The following PCDHGA7 variants were observed in gnomAD, a reference collection of about 807,000 sequenced individuals.
The protein encoded by PCDHGA7 is protocadherin gamma-A7.
A neutral mutation model predicts 58.3 loss-of-function variants in PCDHGA7; 44 were observed. That is an observed-to-expected ratio of 0.75 (90% confidence interval 0.59 to 0.97). PCDHGA7 has a LOEUF of 0.97. PCDHGA7 is among the 50% of genes least tolerant of loss of function. The pLI is 0.00. For synonymous variants in PCDHGA7, 516 were observed against 504.2 expected (o/e 1.02, Z -0.31); for missense variants, 1,266 against 1,188.7 (o/e 1.06, Z -0.96).
intron 1 of PCDHGA7, chr5:141,396,409 A>C (rs2093377043): frequency 6.6e-6 from 1 of 152,270 alleles, no homozygotes; most frequent in Non-Finnish European, 1.5e-5. Context: ...ACCTGAGGTC[A>C]GGAGTTCAAG....
intron 1 of PCDHGA7, chr5:141,417,066 T>C (rs1373522268): frequency 6.6e-6 from 1 of 152,110 alleles, no homozygotes; most frequent in Non-Finnish European, 1.5e-5. Context: ...ACATTGTAGC[T>C]ATTGTGAGAA....
At position 141,431,633 on chromosome 5, in the gene PCDHGA7, T is replaced by G; in HGVS notation, c.2424+46310T>G. On this transcript the variant is annotated intron_variant, in intron 1 of 3. Coordinates refer to ENST00000518325, the MANE Select transcript of PCDHGA7 (RefSeq NM_018920.4). This position sits in a 1 kb window ranked among gnomAD's most constrained non-coding sequence, Gnocchi z 4.8. Reference sequence around the variant, plus strand: ...TGTGGACGACAAGGCGGCCCAAGTTTTCAAACTAGATTGTAATTCAGGGAC... The same window carrying G: ...TGTGGACGACAAGGCGGCCCAAGTTGTCAAACTAGATTGTAATTCAGGGAC... 6.2e-7 allele frequency: 1 copy of G among 1,614,240 alleles called. No individual in the cohort carries two copies. Among genetic ancestry groups the G allele is most frequent in the Non-Finnish European group, 8.5e-7 (1 of 1,180,048 alleles).
intron 2 of PCDHGA7, among the ~76,000 whole-genome samples, chr5:141,495,690 G>A (rs1261694815): frequency 1.3e-5 from 2 of 152,172 alleles, no homozygotes; most frequent in East Asian, 3.9e-4. Context: ...TGGCATAAGT[G>A]CTCAATAAAT....
intron 1 of PCDHGA7, chr5:141,414,590 G>C (rs1287207695): frequency 1.2e-6 from 2 of 1,613,936 alleles, no homozygotes; most frequent in South Asian, 1.1e-5. Flanking sequence ...AACGCCAGGG[G>C]TGCCTCCATC....
In PCDHGA7 at chr5:141,383,304, G is replaced by A. The variant is rs1779007855; in HGVS notation, c.405G>A (p.Thr135=). ...ATGACAACGTTCCAAGATTCTTGAC[G>A]GAAGAAATAAATGTAAAAATAATGG... ...DINDNVPRFL[T]EEINVKIMEN... is the part of the protein sequence containing the mutation. The change falls in exon 1 of 4, where the codon ACG becomes ACA. Residue 135 remains threonine (T), a synonymous_variant. Coordinates refer to ENST00000518325, the MANE Select transcript of PCDHGA7 (RefSeq NM_018920.4). 1 of 1,613,918 alleles carries A rather than the reference G, an allele frequency of 6.2e-7. No individual in the cohort carries two copies. The highest frequency in any genetic ancestry group is 8.5e-7 in the Non-Finnish European group (1 of 1,179,892).
At chr5:141,390,423 C>A in intron 1 of PCDHGA7, 1 of 1,058,544 alleles carries the variant, frequency 9.4e-7, no homozygotes, top group Non-Finnish European at 1.3e-6. Context: ...AGTTAAAAAG[C>A]TGTCATATCA....
chr5:141,398,826 C>G (rs755219133), intron 1 of PCDHGA7: 1 of 1,613,824 alleles, frequency 6.2e-7, no homozygotes, highest in South Asian at 1.1e-5. Flanking sequence ...TCCAGGTAAC[C>G]GACGCCAATG....
chr5:141,425,242 G>A (rs2096863400), intron 1 of PCDHGA7, among the ~76,000 whole-genome samples: 1 of 152,128 alleles, frequency 6.6e-6, no homozygotes, highest in South Asian at 2.1e-4. Context: ...TAAATAAAAA[G>A]GATATGAGGT....
chr5:141,417,699 C>G, intron 1 of PCDHGA7: 1 of 1,164,548 alleles, frequency 8.6e-7, no homozygotes. Context: ...AACCAGCTCC[C>G]ACACAGAGGC....
At chr5:141,398,928 T>C in intron 1 of PCDHGA7, 4 of 1,613,962 alleles carry the variant, frequency 2.5e-6, no homozygotes, top group Non-Finnish European at 3.4e-6. Flanking sequence ...TGTCAGCCAC[T>C]GACCAAGACG....
rs1230717990 is a variant in PCDHGA7, at chr5:141,431,707, G to A, written c.2424+46384G>A. The A allele has an allele frequency of 6.2e-7, 1 of 1,614,232 alleles. No homozygotes were observed. Among genetic ancestry groups the A allele is most frequent in the South Asian group, 1.1e-5 (1 of 91,088 alleles). On this transcript the variant is annotated intron_variant, in intron 1 of 3. Coordinates refer to ENST00000518325, the MANE Select transcript of PCDHGA7 (RefSeq NM_018920.4). This position sits in a 1 kb window ranked among gnomAD's most constrained non-coding sequence, Gnocchi z 4.8. ...ACCACGAGGAGTCAGGATTCTACCAGATGGAAGTGCAAGCAATGGATAATG... is the reference window on the plus strand; with the variant it reads ...ACCACGAGGAGTCAGGATTCTACCAAATGGAAGTGCAAGCAATGGATAATG...
Position 141,489,730 on chromosome 5 carries a change from A to G in PCDHGA7, c.2425-5077A>G. The stretch of plus-strand genomic sequence containing the variant: ...CAGTGCCCAGGATCCGGATGTGGGC[A>G]CCAATACTGTGAGCTTTTACACTCT... On this transcript the variant is annotated intron_variant, in intron 1 of 3. Coordinates refer to ENST00000518325, the MANE Select transcript of PCDHGA7 (RefSeq NM_018920.4). This position sits in a 1 kb window ranked among gnomAD's most constrained non-coding sequence, Gnocchi z 4.5. 6.2e-7 allele frequency: 1 copy of G among 1,614,182 alleles called. No homozygotes were observed. Among genetic ancestry groups the G allele is most frequent in the Non-Finnish European group, 8.5e-7 (1 of 1,180,020 alleles).
At chr5:141,440,838 C>A (rs2098204954) in intron 1 of PCDHGA7, 1 of 152,102 alleles carries the variant, frequency 6.6e-6, no homozygotes, top group African/African-American at 2.4e-5. Context: ...TTGGTTGAAG[C>A]CAATGACAAC....
Position 141,476,876 on chromosome 5 carries a change from C to A in PCDHGA7, c.2425-17931C>A, listed in dbSNP as rs1201654822. 1.2e-6 allele frequency: 2 copies of A among 1,613,994 alleles called. No individual in the cohort carries two copies. Among genetic ancestry groups the A allele is most frequent in the Non-Finnish European group, 1.7e-6 (2 of 1,180,048 alleles). ...CCAGTCCTTGTACCGGGCGCGCGTC[C>A]TGGAGGATGCACCCTCCGGCACGCG... On this transcript the variant is annotated intron_variant, in intron 1 of 3. Transcript: ENST00000518325. The surrounding 1 kb of genome is among the most constrained non-coding windows in gnomAD (Gnocchi z 7.6).
At chr5:141,454,685 C>A (rs1305853379) in intron 1 of PCDHGA7, among the ~76,000 whole-genome samples, 1 of 151,844 alleles carries the variant, frequency 6.6e-6, no homozygotes, top group Non-Finnish European at 1.5e-5. Context: ...GGATTACAGG[C>A]ATGAGCCACC....
At chr5:141,492,385 G>A (rs1224771842) in intron 1 of PCDHGA7, among the ~76,000 whole-genome samples, 1 of 152,208 alleles carries the variant, frequency 6.6e-6, no homozygotes, top group Non-Finnish European at 1.5e-5. Context: ...GGCCTGTTCC[G>A]GTCCACTCGC....
Position 141,421,478 on chromosome 5 carries a change from G to A in PCDHGA7, c.2424+36155G>A, listed in dbSNP as rs763769838. The A allele has an allele frequency of 2.5e-6, 4 of 1,614,012 alleles. No individual in the cohort carries two copies. In the African/African-American group the frequency reaches 4.0e-5, roughly 16 times the overall value. On this transcript the variant is annotated intron_variant, in intron 1 of 3. Coordinates refer to ENST00000518325, the MANE Select transcript of PCDHGA7 (RefSeq NM_018920.4). ...TTCGCTGTGAATCCGCGAAGCGGCA[G>A]CTTGATCACGGCAGGCAGGATAGAC... is the stretch of plus-strand genomic sequence containing the variant.
chr5:141,403,666 T>C (rs2094439937), intron 1 of PCDHGA7: 1 of 1,613,926 alleles, frequency 6.2e-7, no homozygotes, highest in Non-Finnish European at 8.5e-7. Context: ...CAAATGATAA[T>C]GCCCCGGTTT....
chr5:141,508,540 G>A (rs993826709), intron 3 of PCDHGA7, among the ~76,000 whole-genome samples: 3 of 152,144 alleles, frequency 2.0e-5, no homozygotes, highest in African/African-American at 4.8e-5. Flanking sequence ...CCCCCCACGA[G>A]GTGGGCGGGG....
Sources: allele counts gnomAD v4.1 joint callset (sites outside exome capture counted in the v4.1 genomes callset), GRCh38; gene constraint gnomAD v4.1.1; non-coding constraint Gnocchi (gnomAD v3.1); transcripts MANE v1.5; gene names NCBI Gene and HGNC (gene_info 2026-07-23, HGNC 2026-07-21).